PXK: variants seen among roughly 807,000 people sequenced by gnomAD.
PXK encodes the protein PX domain-containing protein kinase-like protein.
A neutral mutation model predicts 84.7 loss-of-function variants in PXK; 35 were observed. The observed-to-expected ratio is 0.41, with a 90% confidence interval of 0.32 to 0.55. The LOEUF (loss-of-function observed/expected upper bound fraction) is 0.55, where lower values mean the gene tolerates loss of function less well. Ranked by LOEUF, PXK falls within the 20% of genes least tolerant of loss-of-function variation. The pLI is 0.21. For missense variants in PXK, 634 were observed against 699.7 expected (o/e 0.91, Z 1.06); for synonymous variants, 253 against 260.8 (o/e 0.97, Z 0.29).
At chr3:58,347,768 A>G (rs1418010503) in intron 1 of PXK, among the ~76,000 whole-genome samples, 1 of 152,208 alleles carries the variant, frequency 6.6e-6, no homozygotes, top group African/African-American at 2.4e-5. Context: ...TGATAGGCTA[A>G]ACTTTATAAG....
chr3:58,333,534 G>A lies in PXK; in HGVS notation c.102+444G>A, dbSNP rs749778384. ...CTGAGGGTCTGGGTGATGGGGATGA[G>A]GGTGTGCCGGGCCAAATGAAGTGTG... On this transcript the variant is annotated intron_variant, in intron 1 of 17. Coordinates refer to ENST00000356151, the MANE Select transcript of PXK (RefSeq NM_017771.5). This position sits in a 1 kb window ranked among gnomAD's most constrained non-coding sequence, Gnocchi z 5.4. The A allele has an allele frequency of 1.3e-5, 6 of 456,750 alleles. 1 individual carries two copies. Among genetic ancestry groups the A allele is most frequent in the South Asian group, 9.3e-5 (6 of 64,572 alleles). The allele number at this position is 456,750 out of a possible 1,614,324, so 28.3% of individuals were successfully genotyped here.
chr3:58,371,123 C>T (rs2098364208), intron 3 of PXK, among the ~76,000 whole-genome samples: 1 of 152,212 alleles, frequency 6.6e-6, no homozygotes, highest in Non-Finnish European at 1.5e-5. Context: ...TGAGTATCTG[C>T]AGATGATTAT....
At chr3:58,405,016 C>T (rs2059173923) in intron 13 of PXK, among the ~76,000 whole-genome samples, 1 of 152,214 alleles carries the variant, frequency 6.6e-6, no homozygotes, top group East Asian at 1.9e-4. Flanking sequence ...TCTCCTCCAA[C>T]CCTGACAGTC....
rs762276156 is a variant in PXK at position 58,412,994 on chromosome 3, T to C, written c.1528+31T>C. ...TGATGGAGTAAAGTGACATGCCACC[T>C]TCCTGTCCGCCAACAGGAGGAGCGG... On this transcript the variant is annotated intron_variant, in intron 17 of 17. Coordinates refer to ENST00000356151, the MANE Select transcript of PXK (RefSeq NM_017771.5). This position sits in a 1 kb window ranked among gnomAD's most constrained non-coding sequence, Gnocchi z 6.2. 1.9e-6 allele frequency: 3 copies of C among 1,609,910 alleles called. No individual in the cohort carries two copies. The highest frequency in any genetic ancestry group is 2.6e-6 in the Non-Finnish European group (3 of 1,176,316).
At chr3:58,372,324 CT>C (rs1280521789) in intron 3 of PXK, among the ~76,000 whole-genome samples, 1 of 151,630 alleles carries the variant, frequency 6.6e-6, no homozygotes, top group African/African-American at 2.4e-5. Context: ...AAAAAAGCTG[CT>C]TTTTCTTTTT....
chr3:58,348,702 G>A (rs111545799), intron 1 of PXK, among the ~76,000 whole-genome samples: 3,743 of 151,824 alleles, frequency 0.025, 69 homozygotes, highest in Non-Finnish European at 0.039. Flanking sequence ...CTTGAGGCCA[G>A]GAGATCGAGA....
chr3:58,336,073 T>TTTATATATA (rs2097600437), intron 1 of PXK, among the ~76,000 whole-genome samples: 3 of 31,906 alleles, frequency 9.4e-5, no homozygotes, highest in Non-Finnish European at 1.0e-4. Context: ...ATATATATAT[T>TTTATATATA]TTTTTTTTTT....
chr3:58,410,171 T>C lies in PXK; in HGVS notation c.1465+12T>C. On this transcript the variant is annotated intron_variant, in intron 16 of 17. Coordinates refer to ENST00000356151, the MANE Select transcript of PXK (RefSeq NM_017771.5). ...CTCCAATAATTCAGGTAACTGGTTA[T>C]AGATGGTAGTGGGGCCCAGGACACA... The C allele has an allele frequency of 1.9e-6, 3 of 1,555,784 alleles. 1 individual carries two copies. In the South Asian group the frequency reaches 3.3e-5, roughly 17 times the overall value.
At chr3:58,374,493 C>T (rs1236992016) in intron 3 of PXK, among the ~76,000 whole-genome samples, 6 of 152,132 alleles carry the variant, frequency 3.9e-5, no homozygotes, top group Non-Finnish European at 1.5e-5. Context: ...CATTTTCACT[C>T]TGCAGTTGTG....
At chr3:58,415,288 C>T (rs191362838) in intron 17 of PXK, among the ~76,000 whole-genome samples, 162 of 152,246 alleles carry the variant, frequency 1.1e-3, no homozygotes, top group Non-Finnish European at 1.9e-3. Context: ...GGGCTCAGTC[C>T]CCAAAACTAC....
intron 1 of PXK, among the ~76,000 whole-genome samples, chr3:58,359,424 G>A (rs1473136324): frequency 1.3e-5 from 2 of 151,612 alleles, no homozygotes; most frequent in South Asian, 2.1e-4. Flanking sequence ...CCAGCTACTC[G>A]GGAGGCTGAG....
At chr3:58,391,661 T>G (rs1298598059) in intron 6 of PXK, 112 bp from the exon 7 acceptor site, 1 of 992,638 alleles carries the variant, frequency 1.0e-6, no homozygotes, top group African/African-American at 1.6e-5. Flanking sequence ...TTAGTGTTGT[T>G]TTCGTCTTTG....
intron 1 of PXK, among the ~76,000 whole-genome samples, chr3:58,342,351 A>G (rs150012200): frequency 3.5e-4 from 53 of 149,764 alleles, no homozygotes; most frequent in African/African-American, 1.2e-3. Flanking sequence ...CTGCCGGAAA[A>G]ACTTTTTTAG....
rs2062764555 is a variant in PXK, at chr3:58,426,006, A to G, written c.*1046A>G. ...TGTTATGTCAGCTGTATTTTTTATT[A>G]AAATCATGTCAAGAAAACGTGTTGT... On this transcript the variant is annotated 3_prime_UTR_variant, in exon 18 of 18. Coordinates refer to ENST00000356151, the MANE Select transcript of PXK (RefSeq NM_017771.5). 6.6e-6 allele frequency: 1 copy of G among 152,236 alleles called. No individual in the cohort carries two copies. The highest frequency in any genetic ancestry group is 2.1e-4 in the South Asian group (1 of 4,828). The allele number at this position is 152,236 out of a possible 1,614,324, so 9.4% of individuals were successfully genotyped here.
At chr3:58,388,131 A>C (rs980676693) in intron 4 of PXK, among the ~76,000 whole-genome samples, 3 of 152,212 alleles carry the variant, frequency 2.0e-5, no homozygotes, top group Non-Finnish European at 4.4e-5. Context: ...ATTATTTGGC[A>C]CATGATAGTC....
intron 3 of PXK, among the ~76,000 whole-genome samples, chr3:58,373,066 C>A (rs1365142050): frequency 6.6e-6 from 1 of 150,894 alleles, no homozygotes; most frequent in African/African-American, 2.4e-5. Context: ...AGTGTTGAGA[C>A]CTTGAGTCCG....
chr3:58,338,362 C>G (rs2097662331), intron 1 of PXK, among the ~76,000 whole-genome samples: 1 of 151,678 alleles, frequency 6.6e-6, no homozygotes, highest in African/African-American at 2.4e-5. Context: ...GTGGCTCATG[C>G]CCATAATCCT....
intron 1 of PXK, among the ~76,000 whole-genome samples, chr3:58,338,316 C>CAA (rs538241350): frequency 3.2e-5 from 3 of 95,076 alleles, no homozygotes; most frequent in Admixed American, 1.3e-4. Flanking sequence ...CTCTCCGTCT[C>CAA]AAAAAAAAAA....
At chr3:58,393,258 G>C (rs966220489) in intron 7 of PXK, among the ~76,000 whole-genome samples, 2 of 152,090 alleles carry the variant, frequency 1.3e-5, no homozygotes, top group Non-Finnish European at 2.9e-5. Flanking sequence ...TGAGGCAGGA[G>C]AATGGCGTGA....
Sources: allele counts gnomAD v4.1 joint callset (sites outside exome capture counted in the v4.1 genomes callset), GRCh38; gene constraint gnomAD v4.1.1; non-coding constraint Gnocchi (gnomAD v3.1); transcripts MANE v1.5; gene names NCBI Gene and HGNC (gene_info 2026-07-23, HGNC 2026-07-21).